The following PPP2R2C variants were observed in gnomAD, a reference collection of about 807,000 sequenced individuals.
PPP2R2C encodes the protein protein phosphatase 2, regulatory subunit B, gamma.
PPP2R2C carries 10 observed loss-of-function variants against 45.3 expected under a neutral mutation model. That is an observed-to-expected ratio of 0.22 (90% CI 0.14 to 0.37). The LOEUF is 0.37. PPP2R2C is among the 10% of genes least tolerant of loss of function. The pLI is 1.00. For synonymous variants in PPP2R2C, 257 were observed against 245.4 expected, an observed-to-expected ratio of 1.05 and a Z score of -0.44; for missense variants, 308 against 619.7, an observed-to-expected ratio of 0.50 and a Z score of 5.34.
intron 1 of PPP2R2C, among the ~76,000 whole-genome samples, chr4:6,410,675 T>A (rs1217729857): frequency 6.6e-6 from 1 of 151,780 alleles, no homozygotes; most frequent in Non-Finnish European, 1.5e-5. Flanking sequence ...CTGCCTAATA[T>A]CACAGGGGAG....
rs144828732 is a variant in PPP2R2C, at chr4:6,427,552, C to G, written c.70+44608G>C. Among the ~76,000 whole-genome samples the G allele has an allele frequency of 4.5e-3, 682 of 152,316 alleles. 2 individuals are homozygous for G. The highest frequency in any genetic ancestry group is 0.012 in the African/African-American group (479 of 41,560). ...TAGGCTGGACCTGCCAGGAATGAGC[C>G]CTACCCCATCTTCCTGGCCAAGCCT... On this transcript the variant is annotated intron_variant, in intron 1 of 8. Coordinates refer to ENST00000382599, the MANE Select transcript of PPP2R2C (RefSeq NM_020416.4).
At chr4:6,342,076 C>T (rs1409476228) in intron 6 of PPP2R2C, among the ~76,000 whole-genome samples, 4 of 131,526 alleles carry the variant, frequency 3.0e-5, no homozygotes, top group African/African-American at 1.1e-4. Context: ...GGAGATCTGC[C>T]ACGATACACA....
chr4:6,355,551 CA>C (rs566926127), intron 5 of PPP2R2C, among the ~76,000 whole-genome samples: 940 of 78,916 alleles, frequency 0.012, 3 homozygotes, highest in Admixed American at 0.014. Context: ...ACAGAAAGCA[CA>C]AAAAAAAAAA....
chr4:6,374,004 G>A (rs889905989), intron 4 of PPP2R2C, among the ~76,000 whole-genome samples: 11 of 139,198 alleles, frequency 7.9e-5, no homozygotes, highest in African/African-American at 3.0e-4. Context: ...TTTGCTTCTA[G>A]GTTGTGTGCC....
intron 1 of PPP2R2C, among the ~76,000 whole-genome samples, chr4:6,404,688 A>C (rs1246686820): frequency 2.6e-5 from 4 of 152,148 alleles, no homozygotes; most frequent in Admixed American, 2.6e-4. Flanking sequence ...AACAGATTCC[A>C]AGGGGGGTTC....
intron 1 of PPP2R2C, among the ~76,000 whole-genome samples, chr4:6,560,363 G>C (rs1351051690): frequency 6.6e-6 from 1 of 152,144 alleles, no homozygotes; most frequent in Non-Finnish European, 1.5e-5. Flanking sequence ...CTTTTTTTCT[G>C]ACAGCAGCAG....
chr4:6,388,376 C>T (rs1716375761), intron 1 of PPP2R2C, among the ~76,000 whole-genome samples: 1 of 152,222 alleles, frequency 6.6e-6, no homozygotes, highest in Non-Finnish European at 1.5e-5. Context: ...GGTTGAACTG[C>T]ATCCCACAAA....
intron 1 of PPP2R2C, among the ~76,000 whole-genome samples, chr4:6,550,577 C>G (rs545183985): frequency 6.6e-6 from 1 of 152,348 alleles, no homozygotes; most frequent in African/African-American, 2.4e-5. Flanking sequence ...CCTCCTCACT[C>G]CCTGCATGAG....
intron 5 of PPP2R2C, among the ~76,000 whole-genome samples, chr4:6,353,265 C>A (rs1712732622): frequency 6.8e-6 from 1 of 146,806 alleles, no homozygotes. Context: ...CGACAGCCCC[C>A]CAACACCGAC....
chr4:6,408,337 G>T lies in PPP2R2C; in HGVS notation c.71-27243C>A, dbSNP rs1182871826. Reference sequence around the variant, plus strand: ...GTTTCTCCTCCTCCCCTTCCCTGGCGCCTAACTACCCCCGGTACAGGTTCT... The same window carrying T: ...GTTTCTCCTCCTCCCCTTCCCTGGCTCCTAACTACCCCCGGTACAGGTTCT... On this transcript the variant is annotated intron_variant, in intron 1 of 8. Transcript: ENST00000382599. Among the ~76,000 whole-genome samples, 4 of 152,112 alleles carry T rather than the reference G, an allele frequency of 2.6e-5. No homozygotes were observed. In the East Asian group the frequency reaches 7.7e-4, roughly 29 times the overall value.
rs1003461846 is a variant in PPP2R2C, at chr4:6,530,357, C to T, written c.49+4914G>A. ...ACGCGACGTATGTAGAAGCGTGATC[C>T]GCCACCGCACCTGCACTGACTTTAA... is the stretch of plus-strand genomic sequence containing the variant. On this transcript the variant is annotated intron_variant, in intron 2 of 9. Transcript: ENST00000506140. Among the ~76,000 whole-genome samples, 4 of 152,120 alleles carry T rather than the reference C, an allele frequency of 2.6e-5. 1 individual carries two copies. The highest frequency in any genetic ancestry group is 6.3e-3 in the Middle Eastern group (2 of 316).
At chr4:6,482,184 A>G (rs1471844068) in intron 2 of PPP2R2C, among the ~76,000 whole-genome samples, 3 of 152,174 alleles carry the variant, frequency 2.0e-5, no homozygotes, top group African/African-American at 7.2e-5. Flanking sequence ...CTTCATAACA[A>G]TAACAACCAT....
intron 1 of PPP2R2C, among the ~76,000 whole-genome samples, chr4:6,390,099 C>G (rs1403348903): frequency 6.6e-6 from 1 of 152,186 alleles, no homozygotes; most frequent in Non-Finnish European, 1.5e-5. Flanking sequence ...AGTTTGGGGT[C>G]TGATTCTGCC....
At chr4:6,528,445 G>T (rs1204395034) in intron 2 of PPP2R2C, among the ~76,000 whole-genome samples, 5 of 152,208 alleles carry the variant, frequency 3.3e-5, no homozygotes, top group African/African-American at 1.2e-4. Context: ...CCTAGGCAAG[G>T]TCTCATGAAT....
At chr4:6,561,602 T>C in intron 1 of PPP2R2C, among the ~76,000 whole-genome samples, 1 of 152,108 alleles carries the variant, frequency 6.6e-6, no homozygotes, top group Admixed American at 6.6e-5. Context: ...GCTTAATGGC[T>C]ACACACACGG....
intron 1 of PPP2R2C, among the ~76,000 whole-genome samples, chr4:6,536,351 A>G (rs1724614011): frequency 6.6e-6 from 1 of 152,244 alleles, no homozygotes. Context: ...TTACAAATCA[A>G]CAAGAAGACA....
chr4:6,385,663 A>T (rs899883782), intron 1 of PPP2R2C, among the ~76,000 whole-genome samples: 4 of 152,036 alleles, frequency 2.6e-5, no homozygotes, highest in Non-Finnish European at 5.9e-5. Context: ...TGTACCTCCT[A>T]GGTTCAAGTG....
At chr4:6,510,668 G>C (rs1276636082) in intron 2 of PPP2R2C, among the ~76,000 whole-genome samples, 1 of 152,120 alleles carries the variant, frequency 6.6e-6, no homozygotes, top group African/African-American at 2.4e-5. Flanking sequence ...CTGATACGGA[G>C]GAGGCCCTCT....
At chr4:6,366,646 G>A (rs1714334290) in intron 5 of PPP2R2C, among the ~76,000 whole-genome samples, 2 of 152,218 alleles carry the variant, frequency 1.3e-5, no homozygotes, top group African/African-American at 4.8e-5. Context: ...GTCAGAGGCT[G>A]TCCCAGATAA....
Sources: gnomAD v4.1 joint callset for allele counts (sites outside exome capture counted in the v4.1 genomes callset) on GRCh38, gnomAD v4.1.1 for gene constraint, MANE v1.5 for transcripts, NCBI Gene and HGNC (gene_info 2026-07-23, HGNC 2026-07-21) for gene names.